Variants in KLHL32 observed in about 807,000 individuals in gnomAD.
The protein encoded by KLHL32 is kelch-like protein 32.
A neutral mutation model predicts 64.8 loss-of-function variants in KLHL32; 35 were observed. The observed-to-expected ratio is 0.54, with a 90% CI of 0.41 to 0.72. The LOEUF is 0.72. Among genes scored for constraint, KLHL32 ranks in the 30% least tolerant of loss-of-function variants. KLHL32 has a pLI of 0.00. For missense variants in KLHL32, 589 were observed against 768.5 expected (o/e 0.77, Z 2.76); for synonymous variants, 259 against 281.0 (o/e 0.92, Z 0.78).
At chr6:97,073,657 T>C (rs1248958108) in intron 5 of KLHL32, among the ~76,000 whole-genome samples, 1 of 152,148 alleles carries the variant, frequency 6.6e-6, no homozygotes, top group East Asian at 1.9e-4. Flanking sequence ...CTCCCTATGA[T>C]AGAAACTTTG....
At chr6:96,958,662 T>C (rs990552265) in intron 1 of KLHL32, among the ~76,000 whole-genome samples, 1 of 150,834 alleles carries the variant, frequency 6.6e-6, no homozygotes, top group Non-Finnish European at 1.5e-5. Context: ...CTGTATTCAT[T>C]TGATCATCAT....
chr6:96,990,927 G>A (rs1777786805), intron 3 of KLHL32, among the ~76,000 whole-genome samples: 1 of 152,140 alleles, frequency 6.6e-6, no homozygotes, highest in Non-Finnish European at 1.5e-5. Context: ...CCACTGCAGT[G>A]GCAGTGGCAG....
In KLHL32 at chr6:97,056,086, C is replaced by CT. The variant is rs1375155400; in HGVS notation, c.313-8533dup. ...GTGCAGCATAGCCAGCCTCCCTTTT[C>CT]TTTTTTTTTCTTTTTTTTTCTTTTT... is the stretch of plus-strand genomic sequence containing the variant. On this transcript the variant is annotated intron_variant, in intron 4 of 10. Transcript: ENST00000369261. 3.0e-3 allele frequency among the ~76,000 whole-genome samples: 375 copies of CT among 125,946 alleles called. 2 individuals are homozygous for CT. The highest frequency in any genetic ancestry group is 0.012 in the African/African-American group (349 of 29,730). The allele number at this position is 125,946 out of a possible 152,430, so 82.6% of individuals were successfully genotyped here.
At chr6:97,131,018 A>G in intron 9 of KLHL32, 69 bp downstream of exon 9, 2 of 1,312,104 alleles carry the variant, frequency 1.5e-6, no homozygotes, top group Non-Finnish European at 2.1e-6. Context: ...TTTCATAGAC[A>G]TCTTTAGGGC....
rs185981412 is a variant in KLHL32, at chr6:97,116,676, C to G, written c.1354+2167C>G. Among the ~76,000 whole-genome samples, 117 of 152,216 alleles carry G rather than the reference C, an allele frequency of 7.7e-4. 1 individual carries two copies. The highest frequency in any genetic ancestry group is 2.6e-3 in the African/African-American group (109 of 41,538). On this transcript the variant is annotated intron_variant, in intron 7 of 10. Transcript: ENST00000369261. ...TCTTAAAGATATGACGATTTAATACCTTCTTCAGTGAGGCCTTAAGAAAGC... is the reference window on the plus strand; with the variant it reads ...TCTTAAAGATATGACGATTTAATACGTTCTTCAGTGAGGCCTTAAGAAAGC...
intron 4 of KLHL32, chr6:97,062,613 TA>T (rs1789091162): frequency 6.6e-6 from 1 of 152,136 alleles, no homozygotes; most frequent in Non-Finnish European, 1.5e-5. Flanking sequence ...TGATTCTGAA[TA>T]AAAAACATGT....
intron 1 of KLHL32, among the ~76,000 whole-genome samples, chr6:96,936,975 A>G (rs958211069): frequency 7.2e-5 from 11 of 152,210 alleles, no homozygotes; most frequent in African/African-American, 2.4e-4. Context: ...GCTTAAAATT[A>G]CAACCTGCCC....
intron 4 of KLHL32, among the ~76,000 whole-genome samples, chr6:97,052,708 C>T (rs775425917): frequency 9.9e-5 from 15 of 152,166 alleles, no homozygotes; most frequent in Non-Finnish European, 1.6e-4. Context: ...CCGAATTTCC[C>T]TGAGAAGGTA....
chr6:97,085,342 G>A lies in KLHL32; in HGVS notation c.627+1G>A. Reference sequence around the variant, plus strand: ...CCTGAGTGAAGAGCAGATCTGGCAGGTAAGGGCGCTGTGCACGGTCGCTTT... The same window carrying A: ...CCTGAGTGAAGAGCAGATCTGGCAGATAAGGGCGCTGTGCACGGTCGCTTT... On this transcript the variant is annotated splice_donor_variant, in intron 6 of 10. Coordinates refer to ENST00000369261, the MANE Select transcript of KLHL32 (RefSeq NM_052904.4). LOFTEE classifies it high-confidence loss of function. 6.2e-7 allele frequency: 1 copy of A among 1,612,234 alleles called. No homozygotes were observed. Among genetic ancestry groups the A allele is most frequent in the South Asian group, 1.1e-5 (1 of 91,002 alleles).
rs747635380 is a variant in KLHL32 at position 97,135,299 on chromosome 6, A to ATTT, written c.1701+2573_1701+2575dup. ...CTACAAAGCACAGACAAATTTGTTA[A>ATTT]TTTTTTTTTTTTTTTTTTTTTTTCC... On this transcript the variant is annotated intron_variant, in intron 10 of 10. Transcript: ENST00000369261. Among the ~76,000 whole-genome samples, 481 of 109,514 alleles carry ATTT rather than the reference A, an allele frequency of 4.4e-3. 4 individuals carry two copies. Among genetic ancestry groups the ATTT allele is most frequent in the African/African-American group, 6.3e-3 (164 of 26,092 alleles). The allele number at this position is 109,514 out of a possible 152,430, so 71.8% of individuals were successfully genotyped here.
At chr6:97,079,697 T>A (rs558763335) in intron 5 of KLHL32, among the ~76,000 whole-genome samples, 1 of 152,230 alleles carries the variant, frequency 6.6e-6, no homozygotes, top group Non-Finnish European at 1.5e-5. Context: ...TCATTCACAC[T>A]ATGAGAAACA....
intron 7 of KLHL32, among the ~76,000 whole-genome samples, chr6:97,124,325 TTAATA>T (rs1798669216): frequency 6.6e-6 from 1 of 152,200 alleles, no homozygotes; most frequent in South Asian, 2.1e-4. Context: ...AACTAGTAAC[TTAATA>T]TCTCATTTCT....
intron 4 of KLHL32, among the ~76,000 whole-genome samples, chr6:97,045,003 C>A (rs1456437595): frequency 6.6e-6 from 1 of 151,688 alleles, no homozygotes; most frequent in Admixed American, 6.6e-5. Flanking sequence ...CTCTATTTTT[C>A]ACTAAGTTTT....
chr6:97,129,540 C>T (rs115914691), intron 8 of KLHL32, among the ~76,000 whole-genome samples: 2,361 of 152,256 alleles, frequency 0.016, 66 homozygotes, highest in African/African-American at 0.054. Context: ...TGAGGGTGAA[C>T]AGGAACCAAA....
intron 6 of KLHL32, among the ~76,000 whole-genome samples, chr6:97,106,758 T>G (rs922775643): frequency 6.7e-6 from 1 of 148,808 alleles, no homozygotes; most frequent in Non-Finnish European, 1.5e-5. Flanking sequence ...AAAAAAAAAT[T>G]AAATGTGAAA....
chr6:96,975,852 G>A, intron 2 of KLHL32, 145 bp from the exon 3 acceptor site: 1 of 478,922 alleles, frequency 2.1e-6, no homozygotes, highest in Non-Finnish European at 3.5e-6. Context: ...ATGGTGGAGA[G>A]AAAGAAAATG....
the KLHL32 span, among the ~76,000 whole-genome samples, chr6:96,911,685 A>G: frequency 1.3e-5 from 2 of 152,200 alleles, no homozygotes; most frequent in African/African-American, 4.8e-5. Context: ...GCAAAGCACA[A>G]CATAAAGTTC....
At chr6:97,066,199 T>C (rs767882087) in intron 5 of KLHL32, among the ~76,000 whole-genome samples, 2 of 152,226 alleles carry the variant, frequency 1.3e-5, no homozygotes, top group Non-Finnish European at 2.9e-5. Flanking sequence ...CATCATCACC[T>C]GATTCACTTT....
At position 97,101,403 on chromosome 6, in the gene KLHL32, G is replaced by A. The variant is rs545438858; in HGVS notation, c.628-12380G>A. Among the ~76,000 whole-genome samples the A allele has an allele frequency of 5.3e-5, 8 of 152,164 alleles. No homozygotes were observed. In the South Asian group the frequency reaches 1.2e-3, roughly 24 times the overall value. The stretch of plus-strand genomic sequence containing the variant: ...ACACTCAAAATCAAGAATAAGCCTC[G>A]AGTTTTATGATATTAATGGAAGTGA... On this transcript the variant is annotated intron_variant, in intron 6 of 10. Transcript: ENST00000369261.
Sources: gnomAD v4.1 joint callset for allele counts (sites outside exome capture counted in the v4.1 genomes callset) on GRCh38, gnomAD v4.1.1 for gene constraint, MANE v1.5 for transcripts, NCBI Gene and HGNC (gene_info 2026-07-23, HGNC 2026-07-21) for gene names.